Variants in CLN3 observed in about 807,000 individuals in gnomAD.
CLN3 encodes CLN3 lysosomal/endosomal transmembrane protein, battenin, also known as battenin.
In CLN3, 49 loss-of-function variants were observed where a neutral mutation model predicts 60.7. The observed-to-expected ratio is 0.81, with a 90% CI of 0.64 to 1.02. CLN3 has a LOEUF of 1.02. CLN3 is among the 50% of genes least tolerant of loss of function. The pLI is 0.00. For missense variants in CLN3, 516 were observed against 557.4 expected, an observed-to-expected ratio of 0.93 and a Z score of 0.75; for synonymous variants, 256 against 245.8, an observed-to-expected ratio of 1.04 and a Z score of -0.39.
chr16:28,479,843 G>T (rs2046057868), intron 14 of CLN3: 1 of 164,064 alleles, frequency 6.1e-6, no homozygotes, highest in Non-Finnish European at 1.4e-5. Flanking sequence ...TGTTTCAGTG[G>T]TATCTACAAG....
intron 7 of CLN3, chr16:28,487,196 T>A: frequency 1.8e-6 from 1 of 561,688 alleles, no homozygotes; most frequent in Non-Finnish European, 3.2e-6. Flanking sequence ...TAGGCATGAG[T>A]CACTGTGCCT....
intron 10 of CLN3, among the ~76,000 whole-genome samples, chr16:28,483,262 C>T (rs2046135642): frequency 6.6e-6 from 1 of 151,888 alleles, no homozygotes; most frequent in Admixed American, 6.6e-5. Context: ...CACTCAGTTG[C>T]CCAGGCTGCA....
At chr16:28,482,403 G>A in intron 12 of CLN3, 21 bp from the exon 13 acceptor site, 2 of 1,613,996 alleles carry the variant, frequency 1.2e-6, no homozygotes, top group Non-Finnish European at 1.7e-6. Context: ...TACCAGACAG[G>A]GGAGATGGAC....
chr16:28,491,301 G>A (rs985422404), intron 3 of CLN3, among the ~76,000 whole-genome samples, 181 bp downstream of exon 3: 1 of 152,188 alleles, frequency 6.6e-6, no homozygotes, highest in Non-Finnish European at 1.5e-5. Context: ...TGCTAAATCC[G>A]GAAGGTGATA....
chr16:28,482,631 A>T lies in CLN3; in HGVS notation c.832T>A (p.Phe278Ile), dbSNP rs1567257709. The T allele has an allele frequency of 1.2e-6, 2 of 1,614,204 alleles. No homozygotes were observed. Reference sequence around the variant, plus strand: ...ACCCCAGCCATCATCCGAACCTTGAACACTGTCCACCTTTCCCGAAGGGAG... The same window carrying T: ...ACCCCAGCCATCATCCGAACCTTGATCACTGTCCACCTTTCCCGAAGGGAG... ...SLSLRERWTV[F>I]KGLLWYIVPL... is the part of the protein sequence containing the mutation. The change falls in exon 11 of 16, where the codon TTC becomes ATC. Residue 278 changes from phenylalanine to isoleucine, a missense_variant. Phe to Ile is a conservative substitution (Grantham distance 21). Coordinates refer to ENST00000636147, the MANE Select transcript of CLN3 (RefSeq NM_001042432.2).
rs1205152766 is a variant in CLN3 at position 28,486,416 on chromosome 16, G to A, written c.608C>T (p.Thr203Ile). Residue 203 changes from threonine (T) to isoleucine (I), a missense_variant, in exon 9 of 16, where the codon ACC (threonine) becomes ATC (isoleucine). Thr to Ile is a moderately conservative substitution (Grantham distance 89). Coordinates refer to ENST00000636147, the MANE Select transcript of CLN3 (RefSeq NM_001042432.2). ...CTGCTGAGGGGAGAGGCCGGCCTGGGTGAGGCCCAGGTAGGACAGGGCCCC... is the reference window on the plus strand; with the variant it reads ...CTGCTGAGGGGAGAGGCCGGCCTGGATGAGGCCCAGGTAGGACAGGGCCCC... Reference protein sequence around the residue: ...LLGALSYLGLTQAGLSPQQTL... With the variant: ...LLGALSYLGLIQAGLSPQQTL... 2.5e-6 allele frequency: 4 copies of A among 1,613,502 alleles called. No homozygotes were observed. In the South Asian group the frequency reaches 4.4e-5, roughly 18 times the overall value.
At chr16:28,474,223 C>A (rs924697706), downstream of CLN3, 1 of 151,962 alleles carries the variant, frequency 6.6e-6, no homozygotes, top group Admixed American at 6.6e-5. Flanking sequence ...GCAGAGACTG[C>A]GTCACTGCAC....
intron 7 of CLN3, 181 bp downstream of exon 7, chr16:28,487,275 C>A: frequency 1.5e-6 from 1 of 674,842 alleles, no homozygotes; most frequent in South Asian, 1.6e-5. Flanking sequence ...CTCCCATCTC[C>A]TCCACTGCCT....
chr16:28,481,993 A>C (rs987579832), intron 14 of CLN3, 112 bp downstream of exon 14: 2 of 807,552 alleles, frequency 2.5e-6, no homozygotes, highest in Non-Finnish European at 4.0e-6. Context: ...TCTCAAAAAA[A>C]AAAAAAAAAA....
chr16:28,489,769 G>C (rs578251086), intron 3 of CLN3, among the ~76,000 whole-genome samples: 42 of 152,080 alleles, frequency 2.8e-4, no homozygotes, highest in Non-Finnish European at 5.4e-4. Flanking sequence ...AAAATAAAAA[G>C]GAAGAGGCCG....
At chr16:28,472,145 GC>G (rs1567251267), downstream of CLN3, among the ~76,000 whole-genome samples, 1 of 152,218 alleles carries the variant, frequency 6.6e-6, no homozygotes, top group African/African-American at 2.4e-5. Context: ...TGGTGCAGTG[GC>G]CCACGCCTGT....
chr16:28,478,452 C>A (rs921797916), intron 14 of CLN3, among the ~76,000 whole-genome samples: 1 of 151,406 alleles, frequency 6.6e-6, no homozygotes, highest in Admixed American at 6.6e-5. Flanking sequence ...TCCGTCTCTA[C>A]AAAAAATTTA....
In CLN3 at chr16:28,489,485, CCT is replaced by C. The variant is rs1482150540; in HGVS notation, c.126-101_126-100del. 5 of 841,450 alleles carry C rather than the reference CCT, an allele frequency of 5.9e-6. No individual in the cohort carries two copies. The African/African-American group carries it at 6.7e-5, about 11-fold the overall frequency. 52.1% of individuals were successfully genotyped at this position (841,450 alleles called of 1,614,324 possible). ...CTTACCTGTGCCCTTCAATCAGCCC[CCT>C]CTTTTTTTTCCCTCTATCACCAGAT... On this transcript the variant is annotated intron_variant, in intron 3 of 15. Transcript: ENST00000636147.
chr16:28,487,769 C>A, intron 5 of CLN3, 28 bp from the exon 6 acceptor site: 2 of 1,582,538 alleles, frequency 1.3e-6, no homozygotes, highest in Non-Finnish European at 1.7e-6. Flanking sequence ...AGTGAGACCG[C>A]AGAGCTTCCA....
downstream of CLN3, among the ~76,000 whole-genome samples, chr16:28,473,010 T>C (rs943386800): frequency 3.3e-5 from 5 of 151,948 alleles, no homozygotes; most frequent in African/African-American, 1.2e-4. Flanking sequence ...TGATCATAGC[T>C]CACTGCAGCC....
At chr16:28,477,681 C>T (rs1405900730) in intron 15 of CLN3, 46 bp from the exon 16 acceptor site, 5 of 1,614,078 alleles carry the variant, frequency 3.1e-6, no homozygotes, top group Non-Finnish European at 4.2e-6. Flanking sequence ...CCAGACATCC[C>T]TGCCCTGGGT....
downstream of CLN3, chr16:28,475,706 T>C (rs1195127156): frequency 6.6e-6 from 1 of 152,206 alleles, no homozygotes; most frequent in East Asian, 1.9e-4. Context: ...AAAATACATA[T>C]ATATCACCTC....
chr16:28,473,641 AGAC>A (rs2045969419), downstream of CLN3, among the ~76,000 whole-genome samples: 2 of 152,234 alleles, frequency 1.3e-5, no homozygotes, highest in Admixed American at 6.5e-5. Flanking sequence ...AAAAGTAAAA[AGAC>A]AACACAGAAT....
At chr16:28,472,727 C>T (rs1269523362), downstream of CLN3, among the ~76,000 whole-genome samples, 2 of 150,194 alleles carry the variant, frequency 1.3e-5, no homozygotes, top group East Asian at 2.0e-4. Context: ...TTGTAATCCC[C>T]GCTACTCAGG....
Sources: gnomAD v4.1 joint callset for allele counts (sites outside exome capture counted in the v4.1 genomes callset) on GRCh38, gnomAD v4.1.1 for gene constraint, MANE v1.5 for transcripts, NCBI Gene and HGNC (gene_info 2026-07-23, HGNC 2026-07-21) for gene names.